The following PBLD variants were observed in gnomAD, a reference collection of about 807,000 sequenced individuals.
PBLD encodes the protein phenazine biosynthesis like protein domain containing.
Under a neutral mutation model 31.3 loss-of-function variants are expected in PBLD, and 26 were observed. The observed-to-expected ratio is 0.83, with a 90% confidence interval of 0.61 to 1.15. The LOEUF (loss-of-function observed/expected upper bound fraction) is 1.15, where lower values mean the gene tolerates loss of function less well. Among genes scored for constraint, PBLD ranks in the 50% most tolerant of loss-of-function variants. The probability of loss-of-function intolerance (pLI) is 0.00; values close to 1 mark genes in which losing one functional copy is unlikely to be tolerated. For synonymous variants in PBLD, 114 were observed against 129.0 expected (o/e 0.88, Z 0.79); for missense variants, 307 against 351.7 (o/e 0.87, Z 1.02).
chr10:68,291,555 G>A (rs982799829), intron 6 of PBLD, among the ~76,000 whole-genome samples: 2 of 152,120 alleles, frequency 1.3e-5, no homozygotes, highest in Admixed American at 6.5e-5. Context: ...GGATTTTATG[G>A]AATGACCTCT....
intron 6 of PBLD, among the ~76,000 whole-genome samples, chr10:68,291,398 G>A (rs2044356796): frequency 6.6e-6 from 1 of 152,126 alleles, no homozygotes; most frequent in South Asian, 2.1e-4. Context: ...TCTGTATCTT[G>A]TCTTATCTGC....
rs1006731316 is a variant in PBLD, at chr10:68,296,147, T to C, written c.283+119A>G. The C allele has an allele frequency of 7.0e-6, 5 of 714,898 alleles. No homozygotes were observed. The East Asian group carries it at 1.1e-4, about 16-fold the overall frequency. The allele number at this position is 714,898 out of a possible 1,614,324, so 44.3% of individuals were successfully genotyped here. ...TTTCTGCATTATGAATAGCATGAAGTAAACTCTGCAGAGTCTTTATACCAG... is the reference window on the plus strand; with the variant it reads ...TTTCTGCATTATGAATAGCATGAAGCAAACTCTGCAGAGTCTTTATACCAG... On this transcript the variant is annotated intron_variant, in intron 4 of 9. Coordinates refer to ENST00000358769, the MANE Select transcript of PBLD (RefSeq NM_022129.4).
At chr10:68,294,491 T>A (rs1406311597) in intron 4 of PBLD, among the ~76,000 whole-genome samples, 1 of 152,174 alleles carries the variant, frequency 6.6e-6, no homozygotes, top group East Asian at 1.9e-4. Context: ...CTCAACTGAG[T>A]CACTCTCTTG....
At chr10:68,313,586 A>AT (rs992659274) in intron 1 of PBLD, among the ~76,000 whole-genome samples, 12 of 152,240 alleles carry the variant, frequency 7.9e-5, no homozygotes, top group African/African-American at 2.4e-4. Flanking sequence ...ATGTTTGGGA[A>AT]TTTTTTCACT....
At chr10:68,310,673 AT>A (rs1271987019) in intron 1 of PBLD, among the ~76,000 whole-genome samples, 2 of 149,610 alleles carry the variant, frequency 1.3e-5, no homozygotes, top group African/African-American at 4.9e-5. Context: ...ACTTTCTTAG[AT>A]TCCTCACTGA....
chr10:68,298,154 C>T (rs1353094615), intron 2 of PBLD, among the ~76,000 whole-genome samples: 3 of 151,972 alleles, frequency 2.0e-5, no homozygotes, highest in Non-Finnish European at 2.9e-5. Context: ...ATACGGGAGG[C>T]GGAGGTAGGA....
chr10:68,285,350 T>C lies in PBLD; in HGVS notation c.752A>G (p.His251Arg), dbSNP rs1188773336. 3.7e-6 allele frequency: 6 copies of C among 1,613,926 alleles called. No individual in the cohort carries two copies. The African/African-American group carries it at 6.7e-5, about 18-fold the overall frequency. ...AAATTGGTAAAGAGCTGTCCTACCA[T>C]GCATTTCTTTCTTCCCCAGATGCTG... is the stretch of plus-strand genomic sequence containing the variant. ...WSQHLGKKEM[H>R]AFQCSHRGGE... is the part of the protein sequence containing the mutation. The change falls in exon 9 of 10, where the codon CAT becomes CGT. Residue 251 changes from histidine (H) to arginine (R), a missense_variant and splice_region_variant. By Grantham distance (29) the His-to-Arg change is conservative. Coordinates refer to ENST00000358769, the MANE Select transcript of PBLD (RefSeq NM_022129.4).
Position 68,306,860 on chromosome 10 carries a change from T to G in PBLD, c.-16A>C. ...GAAGCTTCATTTTCCTTGCAAGCTG[T>G]TTTTGCAAGTTCTCAAAATTGCTGG... On this transcript the variant is annotated 5_prime_UTR_variant, in exon 2 of 10. Coordinates refer to ENST00000358769, the MANE Select transcript of PBLD (RefSeq NM_022129.4). 1 of 1,594,628 alleles carries G rather than the reference T, an allele frequency of 6.3e-7. No individual in the cohort carries two copies. Among genetic ancestry groups the G allele is most frequent in the Non-Finnish European group, 8.6e-7 (1 of 1,165,722 alleles).
At chr10:68,299,650 G>T (rs767281178) in intron 2 of PBLD, among the ~76,000 whole-genome samples, 6 of 151,974 alleles carry the variant, frequency 3.9e-5, no homozygotes, top group Non-Finnish European at 8.8e-5. Flanking sequence ...GAGGTCAGGA[G>T]TTCGAGACCA....
At chr10:68,320,376 CA>C (rs2044815896) in intron 1 of PBLD, among the ~76,000 whole-genome samples, 1 of 152,074 alleles carries the variant, frequency 6.6e-6, no homozygotes, top group Admixed American at 6.6e-5. Context: ...ATACATGATG[CA>C]AAAACTGATA....
At chr10:68,326,805 T>C (rs1392764780) in intron 1 of PBLD, among the ~76,000 whole-genome samples, 2 of 152,150 alleles carry the variant, frequency 1.3e-5, no homozygotes, top group African/African-American at 4.8e-5. Flanking sequence ...TCTCAGCACT[T>C]TGGGAGGCCG....
At chr10:68,309,040 C>T (rs10762217) in intron 1 of PBLD, among the ~76,000 whole-genome samples, 116,113 of 149,670 alleles carry the variant, frequency 0.78, 46,852 homozygotes, top group Middle Eastern at 0.86. Context: ...TGTCCCTCTG[C>T]AATAGTCTTA....
intron 1 of PBLD, among the ~76,000 whole-genome samples, chr10:68,313,237 A>G (rs977922254): frequency 1.3e-5 from 2 of 152,118 alleles, no homozygotes; most frequent in African/African-American, 2.4e-5. Context: ...TTTTTTGAAT[A>G]TTAATCCCTT....
rs2044316929 is a variant in PBLD at position 68,288,565 on chromosome 10, C to G, written c.609G>C (p.Glu203Asp). ...CAAATGCTTGGGTCTGCCCACCAGG[C>G]TCTCCTTTAAGGGTAAGAATAAGCC... ...VKGLILTLKG[E>D]PGGQTQAFDF... The change falls in exon 8 of 10, where the codon GAG becomes GAC. Residue 203 changes from glutamate (E) to aspartate (D), a missense_variant. Glu to Asp is a conservative substitution (Grantham distance 45). Transcript: ENST00000358769. 2 of 1,614,128 alleles carry G rather than the reference C, an allele frequency of 1.2e-6. No homozygotes were observed. The highest frequency in any genetic ancestry group is 1.7e-6 in the Non-Finnish European group (2 of 1,180,048).
chr10:68,327,525 A>G (rs1188464873), intron 1 of PBLD, among the ~76,000 whole-genome samples: 4 of 151,956 alleles, frequency 2.6e-5, no homozygotes, highest in African/African-American at 9.7e-5. Flanking sequence ...TAAAAATACA[A>G]AAATTAGCTG....
intron 4 of PBLD, among the ~76,000 whole-genome samples, chr10:68,294,487 T>A (rs566855254): frequency 5.9e-5 from 9 of 152,320 alleles, no homozygotes; most frequent in African/African-American, 2.2e-4. Context: ...AGCTCTCAAC[T>A]GAGTCACTCT....
intron 2 of PBLD, among the ~76,000 whole-genome samples, chr10:68,303,554 G>C (rs1486321274): frequency 1.3e-5 from 2 of 151,500 alleles, no homozygotes; most frequent in Non-Finnish European, 2.9e-5. Context: ...CAGCACTTTG[G>C]GAGGCCGAGG....
At position 68,310,479 on chromosome 10, in the gene PBLD, T is replaced by C. The variant is rs180768997; in HGVS notation, c.-59-3576A>G. ...ATTAGAACACTTAACATCCACTCTCTTTGCATTTTTCAAGAATACAGTATA... is the reference window on the plus strand; with the variant it reads ...ATTAGAACACTTAACATCCACTCTCCTTGCATTTTTCAAGAATACAGTATA... On this transcript the variant is annotated intron_variant, in intron 1 of 9. Coordinates refer to ENST00000358769, the MANE Select transcript of PBLD (RefSeq NM_022129.4). Among the ~76,000 whole-genome samples the C allele has an allele frequency of 6.8e-4, 102 of 149,584 alleles. 3 individuals are homozygous for C. Among genetic ancestry groups the C allele is most frequent in the African/African-American group, 2.0e-3 (83 of 40,628 alleles).
At position 68,288,930 on chromosome 10, in the gene PBLD, C is replaced by A. The variant is rs145422728; in HGVS notation, c.512+1G>T. 3.7e-6 allele frequency: 6 copies of A among 1,613,746 alleles called. No individual in the cohort carries two copies. Among genetic ancestry groups the A allele is most frequent in the Non-Finnish European group, 4.2e-6 (5 of 1,179,746 alleles). The stretch of plus-strand genomic sequence containing the variant: ...AGTGCTGATGCAGCCAAAAATCTTA[C>A]CTGTTGTAAACGTCACTGAGGCGGA... On this transcript the variant is annotated splice_donor_variant, in intron 7 of 9. Transcript: ENST00000358769. LOFTEE classifies it high-confidence loss of function.
Sources: allele counts gnomAD v4.1 joint callset (sites outside exome capture counted in the v4.1 genomes callset), GRCh38; gene constraint gnomAD v4.1.1; transcripts MANE v1.5; gene names NCBI Gene and HGNC (gene_info 2026-07-23, HGNC 2026-07-21).